Variants in GON4L observed in about 807,000 individuals in gnomAD.
The protein encoded by GON4L is gon-4 like.
GON4L carries 87 observed loss-of-function variants against 211.8 expected under a neutral mutation model. That is an observed-to-expected ratio of 0.41 (90% CI 0.35 to 0.49). GON4L has a LOEUF of 0.49. Among genes scored for constraint, GON4L ranks in the 20% least tolerant of loss-of-function variants. The pLI is 0.15. For missense variants in GON4L, 2,155 were observed against 2,659.5 expected (o/e 0.81, Z 4.17); for synonymous variants, 875 against 962.6 (o/e 0.91, Z 1.68).
downstream of GON4L, chr1:155,745,813 C>G (rs781603659): frequency 3.3e-6 from 2 of 607,596 alleles, no homozygotes; most frequent in South Asian, 1.9e-5. Context: ...GCGGCGGCCC[C>G]GTGGAGCAGC....
chr1:155,845,028 T>C (rs138454433), intron 2 of GON4L, among the ~76,000 whole-genome samples: 1 of 152,220 alleles, frequency 6.6e-6, no homozygotes, highest in Admixed American at 6.5e-5. Context: ...CCAATGCCCA[T>C]AAAATCAACA....
chr1:155,767,642 C>T (rs1662668745), intron 19 of GON4L, 101 bp from the exon 20 acceptor site: 83 of 1,361,320 alleles, frequency 6.1e-5, no homozygotes, highest in Non-Finnish European at 8.2e-5. Context: ...GAAACACACA[C>T]ACACACACAC....
downstream of GON4L, chr1:155,745,850 G>A (rs11264409): frequency 0.28 from 213,752 of 762,360 alleles, 35,124 homozygotes; most frequent in East Asian, 0.72. Flanking sequence ...GGCCCGGGAG[G>A]TGCTCACACT....
At chr1:155,783,591 A>G (rs989723896) in intron 14 of GON4L, among the ~76,000 whole-genome samples, 1 of 152,226 alleles carries the variant, frequency 6.6e-6, no homozygotes, top group Non-Finnish European at 1.5e-5. Context: ...ACTAATGCCT[A>G]GGTGACTAAC....
chr1:155,826,915 G>A lies in GON4L; in HGVS notation c.619C>T (p.Pro207Ser). 1 of 1,613,754 alleles carries A rather than the reference G, an allele frequency of 6.2e-7. No individual in the cohort carries two copies. The highest frequency in any genetic ancestry group is 8.5e-7 in the Non-Finnish European group (1 of 1,179,664). ...AGAGTCCTGAGTGGCTTTTCTTGAG[G>A]AGAGGCACAAACATCTGGCTGGGTT... ...KSTQPDVCAS[P>S]QEKPLRTLFH... The change falls in exon 3 of 32, where the codon CCT becomes TCT. Residue 207 changes from proline (P) to serine (S), a missense_variant. Physicochemically the swap from Pro to Ser is moderately conservative, Grantham distance 74. Coordinates refer to ENST00000368331, the MANE Select transcript of GON4L (RefSeq NM_001282860.2).
At chr1:155,772,826 G>T (rs1228883863) in intron 18 of GON4L, among the ~76,000 whole-genome samples, 1 of 152,030 alleles carries the variant, frequency 6.6e-6, no homozygotes, top group Admixed American at 6.6e-5. Flanking sequence ...TTACAGGTGT[G>T]AGCCACCATG....
intron 11 of GON4L, among the ~76,000 whole-genome samples, chr1:155,797,829 G>A (rs1666224519): frequency 6.6e-6 from 1 of 151,302 alleles, no homozygotes; most frequent in South Asian, 2.1e-4. Context: ...CTCCAGCCTG[G>A]GCGAGAGTGA....
Position 155,765,183 on chromosome 1 carries a change from C to A in GON4L, c.4290G>T (p.Lys1430Asn). The change falls in exon 21 of 32, where the codon AAG (lysine) becomes AAT (asparagine). Residue 1430 changes from lysine (K) to asparagine (N), a missense_variant. Physicochemically the swap from Lys to Asn is moderately conservative, Grantham distance 94. This residue lies in a region of GON4L where 615 missense variants were observed against 625.7 expected (regional missense o/e 0.98). Coordinates refer to ENST00000368331, the MANE Select transcript of GON4L (RefSeq NM_001282860.2). ...CATCAACACTGGATGAATCTTCTGG[C>A]TTCCCTGGGGGGCTACTAAGCCTCA... ...PEVRLSSPPGKPEDSSSVDGQ... is the reference protein window; with the variant it reads ...PEVRLSSPPGNPEDSSSVDGQ... 1 of 1,614,224 alleles carries A rather than the reference C, an allele frequency of 6.2e-7. No homozygotes were observed. The highest frequency in any genetic ancestry group is 8.5e-7 in the Non-Finnish European group (1 of 1,180,038).
intron 14 of GON4L, among the ~76,000 whole-genome samples, chr1:155,780,957 T>G (rs1664359343): frequency 1.3e-5 from 2 of 152,150 alleles, no homozygotes. Context: ...GTATTTACTG[T>G]GGGTTTGGGC....
At chr1:155,778,758 A>C (rs1402582528) in intron 14 of GON4L, among the ~76,000 whole-genome samples, 1 of 152,034 alleles carries the variant, frequency 6.6e-6, no homozygotes, top group East Asian at 1.9e-4. Context: ...CCCTGTGCCC[A>C]TGTGTTCTCA....
intron 16 of GON4L, 124 bp downstream of exon 16, chr1:155,776,271 A>G: frequency 1.2e-6 from 1 of 809,142 alleles, no homozygotes; most frequent in Non-Finnish European, 2.1e-6. Flanking sequence ...GAAAGCAGGC[A>G]AAACAATCAA....
chr1:155,848,639 T>C (rs770501581), intron 2 of GON4L, among the ~76,000 whole-genome samples: 2 of 152,172 alleles, frequency 1.3e-5, no homozygotes, highest in South Asian at 2.1e-4. Flanking sequence ...AAAAAGTATA[T>C]ATTTATGGTT....
In GON4L at chr1:155,765,195, G is replaced by A; in HGVS notation, c.4278C>T (p.Ser1426=). ...ATGAATCTTCTGGCTTCCCTGGGGG[G>A]CTACTAAGCCTCACTTCAGGATCCA... ...SSMDPEVRLS[S]PPGKPEDSSS... is the part of the protein sequence containing the mutation. Residue 1426 remains serine, a synonymous_variant, in exon 21 of 32, where the codon AGC becomes AGT. Coordinates refer to ENST00000368331, the MANE Select transcript of GON4L (RefSeq NM_001282860.2). 1.2e-6 allele frequency: 2 copies of A among 1,614,182 alleles called. No homozygotes were observed. Among genetic ancestry groups the A allele is most frequent in the Non-Finnish European group, 8.5e-7 (1 of 1,180,036 alleles).
chr1:155,851,691 G>A (rs2102495665), intron 2 of GON4L, among the ~76,000 whole-genome samples: 1 of 152,062 alleles, frequency 6.6e-6, no homozygotes, highest in Non-Finnish European at 1.5e-5. Context: ...ACTCCAGCCT[G>A]GGCGACAAAG....
intron 2 of GON4L, among the ~76,000 whole-genome samples, chr1:155,848,857 G>A (rs931477132): frequency 4.6e-5 from 7 of 152,274 alleles, no homozygotes; most frequent in East Asian, 1.9e-4. Context: ...CTAAAACTAC[G>A]GAATTGTAGG....
At chr1:155,850,425 C>T (rs1671667027) in intron 2 of GON4L, among the ~76,000 whole-genome samples, 1 of 152,218 alleles carries the variant, frequency 6.6e-6, no homozygotes, top group African/African-American at 2.4e-5. Flanking sequence ...GTGAATGAGG[C>T]TGAAAATTTA....
At chr1:155,839,690 A>G (rs1670613263) in intron 2 of GON4L, among the ~76,000 whole-genome samples, 2 of 152,078 alleles carry the variant, frequency 1.3e-5, no homozygotes, top group African/African-American at 4.8e-5. Context: ...CAAGTCAGAA[A>G]GTTCATTCAA....
Position 155,845,674 on chromosome 1 carries a change from C to A in GON4L, c.505+7602G>T, listed in dbSNP as rs149243421. On this transcript the variant is annotated intron_variant, in intron 2 of 31. Coordinates refer to ENST00000368331, the MANE Select transcript of GON4L (RefSeq NM_001282860.2). ...GGTACCACATAGGCCCTAAACTACACAAGAATGACACTGCCTTCAATGAAA... is the reference window on the plus strand; with the variant it reads ...GGTACCACATAGGCCCTAAACTACAAAAGAATGACACTGCCTTCAATGAAA... The A allele has an allele frequency of 1.6e-3, 511 of 310,526 alleles. 4 individuals carry two copies. The highest frequency in any genetic ancestry group is 0.011 in the African/African-American group (487 of 45,766). 19.2% of individuals were successfully genotyped at this position (310,526 alleles called of 1,614,324 possible).
downstream of GON4L, chr1:155,749,321 T>G (rs570418199): frequency 1.7e-4 from 267 of 1,612,108 alleles, 2 homozygotes; most frequent in South Asian, 2.8e-3. Flanking sequence ...GGCTTTGTTA[T>G]GGCAGCCAGC....
Sources: gnomAD v4.1 joint callset for allele counts (sites outside exome capture counted in the v4.1 genomes callset) on GRCh38, gnomAD v4.1.1 for gene constraint, gnomAD v4.1.1 regional missense constraint, MANE v1.5 for transcripts, NCBI Gene and HGNC (gene_info 2026-07-23, HGNC 2026-07-21) for gene names.